PPARGC1B: variants seen among roughly 807,000 people sequenced by gnomAD.
PPARGC1B encodes the protein PPARG coactivator 1 beta.
A neutral mutation model predicts 101.6 loss-of-function variants in PPARGC1B; 34 were observed. That is an observed-to-expected ratio of 0.33 (90% CI 0.25 to 0.45). The LOEUF (loss-of-function observed/expected upper bound fraction) is 0.45. Among genes scored for constraint, PPARGC1B ranks in the 20% least tolerant of loss-of-function variants. The pLI is 1.00. For missense variants in PPARGC1B, 1,234 were observed against 1,317.6 expected (o/e 0.94, Z 0.98); for synonymous variants, 548 against 539.3 (o/e 1.02, Z -0.22).
chr5:149,791,577 T>A (rs1422430), intron 1 of PPARGC1B, among the ~76,000 whole-genome samples: 67,772 of 151,912 alleles, frequency 0.45, 15,355 homozygotes, highest in East Asian at 0.69. Flanking sequence ...GTGTGTGATG[T>A]TGTGATCTTA....
intron 1 of PPARGC1B, among the ~76,000 whole-genome samples, chr5:149,817,150 C>T (rs1288008358): frequency 1.3e-5 from 2 of 152,214 alleles, no homozygotes; most frequent in Non-Finnish European, 2.9e-5. Flanking sequence ...CTTCCCACCT[C>T]TTCCACTACC....
chr5:149,835,524 A>T (rs1244114981), intron 7 of PPARGC1B, among the ~76,000 whole-genome samples, 159 bp downstream of exon 7: 1 of 152,222 alleles, frequency 6.6e-6, no homozygotes, highest in East Asian at 1.9e-4. Context: ...GCAAACAGAA[A>T]AGGAAGATCA....
chr5:149,756,708 A>G (rs1755534620), intron 1 of PPARGC1B, among the ~76,000 whole-genome samples: 2 of 152,114 alleles, frequency 1.3e-5, no homozygotes, highest in South Asian at 4.1e-4. Context: ...GATCACTTTC[A>G]GTGAGATTCT....
rs565427399 is a variant in PPARGC1B, at chr5:149,805,045, C to G, written c.79-15388C>G. 3.1e-4 allele frequency among the ~76,000 whole-genome samples: 47 copies of G among 152,314 alleles called. No individual in the cohort carries two copies. The South Asian group carries it at 9.6e-3, about 31-fold the overall frequency. On this transcript the variant is annotated intron_variant, in intron 1 of 11. Coordinates refer to ENST00000309241, the MANE Select transcript of PPARGC1B (RefSeq NM_133263.4). ...CCTCCAGCTCGCTGGGCATGGTGGG[C>G]AAGCCCTGCCCCTCTTGATGGGAGC... is the stretch of plus-strand genomic sequence containing the variant.
intron 1 of PPARGC1B, among the ~76,000 whole-genome samples, chr5:149,799,667 T>TTTTG (rs1385750381): frequency 6.6e-6 from 1 of 150,628 alleles, no homozygotes; most frequent in African/African-American, 2.4e-5. Context: ...GAATGGGCTT[T>TTTTG]TTTGTTTGTT....
intron 1 of PPARGC1B, among the ~76,000 whole-genome samples, chr5:149,820,114 C>T (rs1050044674): frequency 6.6e-6 from 1 of 152,098 alleles, no homozygotes; most frequent in South Asian, 2.1e-4. Context: ...AGGATTAGCT[C>T]CTCTATTTAC....
chr5:149,803,833 A>G (rs1757508951), intron 1 of PPARGC1B, among the ~76,000 whole-genome samples: 1 of 152,234 alleles, frequency 6.6e-6, no homozygotes. Context: ...GCACTTCTAC[A>G]TAAGGCAGGC....
At chr5:149,776,306 C>T (rs1316669291) in intron 1 of PPARGC1B, among the ~76,000 whole-genome samples, 2 of 152,192 alleles carry the variant, frequency 1.3e-5, no homozygotes, top group East Asian at 3.8e-4. Context: ...CCTTGGTTTT[C>T]CTATCTGCAC....
chr5:149,772,429 G>A (rs1756168804), intron 1 of PPARGC1B, among the ~76,000 whole-genome samples: 1 of 152,180 alleles, frequency 6.6e-6, no homozygotes, highest in Admixed American at 6.5e-5. Flanking sequence ...CTGTTGTATT[G>A]CTTTGCTAGG....
At position 149,751,711 on chromosome 5, in the gene PPARGC1B, A is replaced by C. The variant is rs1041222330; in HGVS notation, c.78+21291A>C. Among the ~76,000 whole-genome samples, 18 of 141,790 alleles carry C rather than the reference A, an allele frequency of 1.3e-4. 1 individual carries two copies. Among genetic ancestry groups the C allele is most frequent in the Non-Finnish European group, 2.1e-4 (14 of 67,016 alleles). 93.0% of individuals were successfully genotyped at this position (141,790 alleles called of 152,430 possible). On this transcript the variant is annotated intron_variant, in intron 1 of 11. Coordinates refer to ENST00000309241, the MANE Select transcript of PPARGC1B (RefSeq NM_133263.4). The stretch of plus-strand genomic sequence containing the variant: ...ACAGAGGAAGACTCTGTCCAAAAGA[A>C]AAAAAAAAAAAGAAAAGAAAACTAA...
chr5:149,757,317 A>G (rs1425624386), intron 1 of PPARGC1B, among the ~76,000 whole-genome samples: 1 of 151,000 alleles, frequency 6.6e-6, no homozygotes, highest in African/African-American at 2.4e-5. Context: ...ATCCAACGGG[A>G]ACTACATAAA....
intron 10 of PPARGC1B, 34 bp downstream of exon 10, chr5:149,842,411 G>C: frequency 6.2e-7 from 1 of 1,603,666 alleles, no homozygotes; most frequent in Non-Finnish European, 8.5e-7. Flanking sequence ...AATGAAGGGA[G>C]CAGAGAGGGG....
intron 1 of PPARGC1B, among the ~76,000 whole-genome samples, chr5:149,763,063 G>T (rs984426201): frequency 6.6e-6 from 1 of 152,112 alleles, no homozygotes; most frequent in Admixed American, 6.6e-5. Flanking sequence ...AGCATTACGG[G>T]CATGAGCCAC....
chr5:149,745,032 G>A (rs1338765256), intron 1 of PPARGC1B, among the ~76,000 whole-genome samples: 1 of 151,650 alleles, frequency 6.6e-6, no homozygotes, highest in Non-Finnish European at 1.5e-5. Flanking sequence ...TTCCCCAGTA[G>A]CTAGGACTAA....
rs745420688 is a variant in PPARGC1B at position 149,833,040 on chromosome 5, G to A, written c.967G>A (p.Val323Ile). The A allele has an allele frequency of 1.2e-6, 2 of 1,613,852 alleles. No individual in the cohort carries two copies. The highest frequency in any genetic ancestry group is 8.5e-7 in the Non-Finnish European group (1 of 1,180,006). The change falls in exon 5 of 12, where the codon GTC (valine) becomes ATC (isoleucine). Residue 323 changes from valine to isoleucine, a missense_variant. Val to Ile is a conservative substitution (Grantham distance 29, BLOSUM62 3). Coordinates refer to ENST00000309241, the MANE Select transcript of PPARGC1B (RefSeq NM_133263.4). The surrounding 1 kb of genome is among the most constrained non-coding windows in gnomAD (Gnocchi z 4.1). Reference sequence around the variant, plus strand: ...GGCCTGCAGCAACCCCTCCCAGCAGGTCAGATCCCGGCCCTGGTCCCGGCA... The same window carrying A: ...GGCCTGCAGCAACCCCTCCCAGCAGATCAGATCCCGGCCCTGGTCCCGGCA... ...PKACSNPSQQ[V>I]RSRPWSRHHS...
chr5:149,730,990 G>A lies in PPARGC1B; in HGVS notation c.78+570G>A, dbSNP rs1045302242. Among the ~76,000 whole-genome samples the A allele has an allele frequency of 6.6e-6, 1 of 152,270 alleles. No homozygotes were observed. The highest frequency in any genetic ancestry group is 1.9e-4 in the East Asian group (1 of 5,190). ...GGCATAAGGGTCTGCGGGGCACGTG[G>A]ACATGCGGGCGGAGACAGCGTCTTC... On this transcript the variant is annotated intron_variant, in intron 1 of 11. Coordinates refer to ENST00000309241, the MANE Select transcript of PPARGC1B (RefSeq NM_133263.4). This position sits in a 1 kb window ranked among gnomAD's most constrained non-coding sequence, Gnocchi z 4.0.
intron 3 of PPARGC1B, among the ~76,000 whole-genome samples, chr5:149,827,719 G>A (rs1366098488): frequency 2.0e-5 from 3 of 152,248 alleles, no homozygotes; most frequent in Admixed American, 6.5e-5. Context: ...TGCGGTGTGA[G>A]CGTGTGCGGA....
chr5:149,747,638 A>G lies in PPARGC1B; in HGVS notation c.78+17218A>G, dbSNP rs1755137583. 3.3e-5 allele frequency among the ~76,000 whole-genome samples: 5 copies of G among 152,282 alleles called. No homozygotes were observed. The South Asian group carries it at 1.0e-3, about 32-fold the overall frequency. ...TCCTCCCTGCCCTGTGGGTGTGGAC[A>G]CCAGGTACCTGCCCAGCAGCGCCTG... is the stretch of plus-strand genomic sequence containing the variant. On this transcript the variant is annotated intron_variant, in intron 1 of 11. Coordinates refer to ENST00000309241, the MANE Select transcript of PPARGC1B (RefSeq NM_133263.4).
Position 149,842,393 on chromosome 5 carries a change from C to G in PPARGC1B, c.2816+16C>G. On this transcript the variant is annotated intron_variant, in intron 10 of 11. Transcript: ENST00000309241. ...GAAATAGGAGGTGAGTTGAACCAAG[C>G]CATGGCAAATGAAGGGAGCAGAGAG... The G allele has an allele frequency of 3.7e-6, 6 of 1,611,246 alleles. No individual in the cohort carries two copies. The highest frequency in any genetic ancestry group is 3.4e-6 in the Non-Finnish European group (4 of 1,177,646).
Sources: allele counts gnomAD v4.1 joint callset (sites outside exome capture counted in the v4.1 genomes callset), GRCh38; gene constraint gnomAD v4.1.1; non-coding constraint Gnocchi (gnomAD v3.1); transcripts MANE v1.5; gene names NCBI Gene and HGNC (gene_info 2026-07-23, HGNC 2026-07-21).